The following MACROD2 variants were observed in gnomAD, a reference collection of about 807,000 sequenced individuals.
MACROD2 encodes the protein mono-ADP ribosylhydrolase 2.
A neutral mutation model predicts 70.4 loss-of-function variants in MACROD2; 36 were observed. The observed-to-expected ratio is 0.51, with a 90% CI of 0.39 to 0.68. The LOEUF (loss-of-function observed/expected upper bound fraction) is 0.68, where lower values mean the gene tolerates loss of function less well. MACROD2 is among the 30% of genes least tolerant of loss of function. The pLI is 0.00. For synonymous variants in MACROD2, 172 were observed against 178.8 expected, an observed-to-expected ratio of 0.96 and a Z score of 0.30; for missense variants, 496 against 538.4, an observed-to-expected ratio of 0.92 and a Z score of 0.78.
intron 5 of MACROD2, among the ~76,000 whole-genome samples, chr20:15,001,053 C>A (rs1013279626): frequency 6.6e-6 from 1 of 152,118 alleles, no homozygotes; most frequent in African/African-American, 2.4e-5. Flanking sequence ...CTGGTAAATG[C>A]TGTTGATTAT....
intron 3 of MACROD2, among the ~76,000 whole-genome samples, chr20:14,093,647 G>A (rs1425256680): frequency 3.4e-5 from 5 of 147,904 alleles, no homozygotes; most frequent in Non-Finnish European, 7.4e-5. Flanking sequence ...CTAAATAGAG[G>A]AGTAAGAAAC....
At chr20:14,528,919 A>G (rs2085270012) in intron 4 of MACROD2, among the ~76,000 whole-genome samples, 1 of 152,204 alleles carries the variant, frequency 6.6e-6, no homozygotes, top group Non-Finnish European at 1.5e-5. Context: ...TTATGTAATA[A>G]TAACTAGAGC....
chr20:14,479,046 C>T (rs762556610), intron 3 of MACROD2, among the ~76,000 whole-genome samples: 1 of 152,116 alleles, frequency 6.6e-6, no homozygotes, highest in Non-Finnish European at 1.5e-5. Flanking sequence ...ACACCTCCCT[C>T]ACCAGCATCT....
chr20:14,709,540 G>T (rs368648384), intron 5 of MACROD2, among the ~76,000 whole-genome samples: 1 of 152,032 alleles, frequency 6.6e-6, no homozygotes, highest in African/African-American at 2.4e-5. Context: ...TAGGTCTGGC[G>T]TCAAATTTCT....
In MACROD2 at chr20:14,605,758, C is replaced by T. The variant is rs543482767; in HGVS notation, c.302-79085C>T. ...TTAAAATTTCTTTTTAAAGAATTCT[C>T]AACTGAATCTTGACTTATTGTTTTA... On this transcript the variant is annotated intron_variant, in intron 4 of 17. Coordinates refer to ENST00000684519, the MANE Select transcript of MACROD2 (RefSeq NM_001351661.2). 1.6e-3 allele frequency among the ~76,000 whole-genome samples: 246 copies of T among 151,930 alleles called. 1 individual carries two copies. Among genetic ancestry groups the T allele is most frequent in the Middle Eastern group, 0.01 (3 of 294 alleles).
At position 15,229,922 on chromosome 20, in the gene MACROD2, T is replaced by C; in HGVS notation, c.419-18T>C. 1 of 1,585,530 alleles carries C rather than the reference T, an allele frequency of 6.3e-7. No individual in the cohort carries two copies. Among genetic ancestry groups the C allele is most frequent in the Non-Finnish European group, 8.5e-7 (1 of 1,169,836 alleles). ...AATACCTCGCTTATCCTCTTTTTCCTTCCTTTTGTATTTACAGATGTCATC... is the reference window on the plus strand; with the variant it reads ...AATACCTCGCTTATCCTCTTTTTCCCTCCTTTTGTATTTACAGATGTCATC... On this transcript the variant is annotated intron_variant, in intron 5 of 17. Transcript: ENST00000684519.
At position 15,374,954 on chromosome 20, in the gene MACROD2, C is replaced by T. The variant is rs1195186734; in HGVS notation, c.541-56451C>T. 2.6e-5 allele frequency among the ~76,000 whole-genome samples: 4 copies of T among 152,168 alleles called. 1 individual carries two copies. Among genetic ancestry groups the T allele is most frequent in the South Asian group, 4.1e-4 (2 of 4,832 alleles). ...AATTGCTTATCATGAGGATGGATTG[C>T]TTTGGCATTAGTGCTTCCTGACTTA... On this transcript the variant is annotated intron_variant, in intron 6 of 17. Coordinates refer to ENST00000684519, the MANE Select transcript of MACROD2 (RefSeq NM_001351661.2).
At chr20:15,348,734 T>A (rs6110575) in intron 6 of MACROD2, among the ~76,000 whole-genome samples, 2 of 152,066 alleles carry the variant, frequency 1.3e-5, no homozygotes, top group Non-Finnish European at 2.9e-5. Flanking sequence ...CTCGTGAGAC[T>A]TATTCATTAT....
At chr20:14,277,381 C>T (rs1243587874) in intron 3 of MACROD2, among the ~76,000 whole-genome samples, 3 of 152,258 alleles carry the variant, frequency 2.0e-5, no homozygotes, top group African/African-American at 4.8e-5. Flanking sequence ...ACCCAGGAGG[C>T]GGAGGTTGCA....
At chr20:14,732,425 A>T (rs2071610072) in intron 5 of MACROD2, among the ~76,000 whole-genome samples, 1 of 152,188 alleles carries the variant, frequency 6.6e-6, no homozygotes, top group African/African-American at 2.4e-5. Flanking sequence ...ACCAATAAAT[A>T]TAAGGGGTCC....
intron 12 of MACROD2, among the ~76,000 whole-genome samples, chr20:15,957,140 G>A (rs1285635839): frequency 6.6e-6 from 1 of 152,160 alleles, no homozygotes; most frequent in Non-Finnish European, 1.5e-5. Flanking sequence ...AGTGAGGGTA[G>A]TGGCTGGAAA....
intron 3 of MACROD2, among the ~76,000 whole-genome samples, chr20:14,346,113 A>AAAAAAAAAAAAAAAAAAAAC (rs2083061879): frequency 6.7e-6 from 1 of 150,184 alleles, no homozygotes; most frequent in Non-Finnish European, 1.5e-5. Flanking sequence ...AAAAAAAAAA[A>AAAAAAAAAAAAAAAAAAAAC]AAAAAAAAAA....
intron 5 of MACROD2, among the ~76,000 whole-genome samples, chr20:14,692,990 A>T (rs1706857948): frequency 6.6e-6 from 1 of 152,216 alleles, no homozygotes; most frequent in Non-Finnish European, 1.5e-5. Flanking sequence ...GGCTGAGTGT[A>T]GAATTAAACA....
chr20:14,364,444 G>T (rs1488702776), intron 3 of MACROD2, among the ~76,000 whole-genome samples: 1 of 152,124 alleles, frequency 6.6e-6, no homozygotes, highest in African/African-American at 2.4e-5. Context: ...AAAAATTATT[G>T]TGAAATTTAC....
intron 8 of MACROD2, chr20:15,619,425 GA>G (rs2049093030): frequency 8.3e-6 from 2 of 241,158 alleles, no homozygotes; most frequent in Admixed American, 1.1e-4. Context: ...TTGCAATGGC[GA>G]TTTCAGACCC....
intron 5 of MACROD2, among the ~76,000 whole-genome samples, chr20:15,012,228 T>A (rs1164838508): frequency 1.3e-5 from 2 of 152,128 alleles, no homozygotes; most frequent in Admixed American, 1.3e-4. Context: ...CAGTGAAAGT[T>A]TGACACTAAC....
At chr20:14,563,822 G>T (rs1257854962) in intron 4 of MACROD2, among the ~76,000 whole-genome samples, 1 of 151,746 alleles carries the variant, frequency 6.6e-6, no homozygotes, top group Non-Finnish European at 1.5e-5. Context: ...TACCAACATC[G>T]TTTTTCCCAG....
chr20:14,741,805 G>GT (rs1409859677), intron 5 of MACROD2, among the ~76,000 whole-genome samples: 1 of 151,932 alleles, frequency 6.6e-6, no homozygotes, highest in African/African-American at 2.4e-5. Context: ...TTCACACCCA[G>GT]TTTTTTTAAA....
intron 3 of MACROD2, among the ~76,000 whole-genome samples, chr20:14,157,151 G>A (rs1316481611): frequency 1.3e-5 from 2 of 152,140 alleles, no homozygotes; most frequent in Non-Finnish European, 2.9e-5. Flanking sequence ...AGCAAGTGAG[G>A]CTCCCTATTC....
Sources: gnomAD v4.1 joint callset for allele counts (sites outside exome capture counted in the v4.1 genomes callset) on GRCh38, gnomAD v4.1.1 for gene constraint, MANE v1.5 for transcripts, NCBI Gene and HGNC (gene_info 2026-07-23, HGNC 2026-07-21) for gene names.